TEX2: variants seen among roughly 807,000 people sequenced by gnomAD.
TEX2 encodes testis-expressed protein 2.
Under a neutral mutation model 106.9 loss-of-function variants are expected in TEX2, and 53 were observed. The ratio of observed to expected loss-of-function variants is 0.50; its 90% confidence interval spans 0.40 to 0.62. The LOEUF (loss-of-function observed/expected upper bound fraction) is 0.62, where lower values mean the gene tolerates loss of function less well. TEX2 is among the 20% of genes least tolerant of loss of function. TEX2 has a pLI of 0.00. For missense variants in TEX2, 1,207 were observed against 1,379.0 expected, an observed-to-expected ratio of 0.88 and a Z score of 1.98; for synonymous variants, 523 against 534.8, an observed-to-expected ratio of 0.98 and a Z score of 0.30.
intron 7 of TEX2, among the ~76,000 whole-genome samples, chr17:64,166,614 T>G (rs1252943747): frequency 1.3e-5 from 2 of 152,244 alleles, no homozygotes; most frequent in South Asian, 4.1e-4. Context: ...CTATGTTTTC[T>G]AAATTTTTAG....
intron 8 of TEX2, chr17:64,155,281 A>C (rs2030565911): frequency 4.1e-6 from 1 of 242,954 alleles, no homozygotes. Context: ...GCGCACATAA[A>C]ATGCAGTGAT....
intron 2 of TEX2, among the ~76,000 whole-genome samples, chr17:64,196,425 A>G (rs1227671606): frequency 4.0e-5 from 6 of 151,614 alleles, no homozygotes; most frequent in African/African-American, 1.5e-4. Flanking sequence ...TGTGAAACTT[A>G]TGAGCCAATT....
intron 1 of TEX2, among the ~76,000 whole-genome samples, chr17:64,220,659 C>G (rs1240115185): frequency 6.6e-6 from 1 of 152,164 alleles, no homozygotes; most frequent in Non-Finnish European, 1.5e-5. Flanking sequence ...GAGATACCAT[C>G]TCACACCAGT....
In TEX2 at chr17:64,213,687, G is replaced by A. The variant is rs139358972; in HGVS notation, c.531C>T (p.Ala177=). Residue 177 remains alanine, a synonymous_variant, in exon 2 of 12, where the codon GCC becomes GCT. Coordinates refer to ENST00000584379, the MANE Select transcript of TEX2 (RefSeq NM_001288732.2). The surrounding 1 kb of genome is among the most constrained non-coding windows in gnomAD (Gnocchi z 4.4). Reference sequence around the variant, plus strand: ...TTGCACTGGAAAGGGTGGAGGTTGAGGCACTGGATGAGAGGATGGGAGACT... The same window carrying A: ...TTGCACTGGAAAGGGTGGAGGTTGAAGCACTGGATGAGAGGATGGGAGACT... The part of the protein sequence containing the change: ...PSKSPILSSS[A]STSTLSSAKP... 4,335 of 1,614,150 alleles carry A rather than the reference G, an allele frequency of 2.7e-3. 13 individuals carry two copies. Among genetic ancestry groups the A allele is most frequent in the Non-Finnish European group, 3.2e-3 (3,743 of 1,180,026 alleles).
Position 64,185,628 on chromosome 17 carries a change from A to G in TEX2, c.2424+2540T>C, listed in dbSNP as rs1193483598. On this transcript the variant is annotated intron_variant, in intron 5 of 11. Transcript: ENST00000584379. The surrounding 1 kb of genome is among the most constrained non-coding windows in gnomAD (Gnocchi z 4.0). ...AGACTCCAACTAAAAAAAGAAAAAAAAAATTTCATCAGAGGCCAGGCACAG... is the reference window on the plus strand; with the variant it reads ...AGACTCCAACTAAAAAAAGAAAAAAGAAATTTCATCAGAGGCCAGGCACAG... 2.0e-5 allele frequency among the ~76,000 whole-genome samples: 3 copies of G among 152,162 alleles called. No homozygotes were observed. Among genetic ancestry groups the G allele is most frequent in the African/African-American group, 4.8e-5 (2 of 41,434 alleles).
intron 11 of TEX2, chr17:64,149,438 A>G (rs2030229368): frequency 5.6e-6 from 1 of 179,800 alleles, no homozygotes; most frequent in Non-Finnish European, 1.2e-5. Flanking sequence ...TGTCTAGAAC[A>G]CATATTCCAT....
rs1236198825 is a variant in TEX2, at chr17:64,205,288, G to A, written c.1644+7286C>T. Among the ~76,000 whole-genome samples, 1 of 152,186 alleles carries A rather than the reference G, an allele frequency of 6.6e-6. No individual in the cohort carries two copies. Among genetic ancestry groups the A allele is most frequent in the African/African-American group, 2.4e-5 (1 of 41,428 alleles). On this transcript the variant is annotated intron_variant, in intron 2 of 11. Coordinates refer to ENST00000584379, the MANE Select transcript of TEX2 (RefSeq NM_001288732.2). The surrounding 1 kb of genome is among the most constrained non-coding windows in gnomAD (Gnocchi z 4.0). ...GCCAAGATTGTGCCACTGCACTCTA[G>A]CCTGAGCGACAGAGCGAGGCAAAAC...
chr17:64,243,931 C>T (rs2033939509), intron 1 of TEX2, among the ~76,000 whole-genome samples: 1 of 151,768 alleles, frequency 6.6e-6, no homozygotes, highest in South Asian at 2.1e-4. Context: ...GCCTCAGCCT[C>T]CCAAGTAGCT....
At position 64,177,357 on chromosome 17, in the gene TEX2, T is replaced by TA; in HGVS notation, c.2538dup (p.Lys847Ter). The TA allele has an allele frequency of 1.2e-6, 2 of 1,614,200 alleles. No homozygotes were observed. The highest frequency in any genetic ancestry group is 2.2e-5 in the South Asian group (2 of 91,080). On this transcript the variant is annotated frameshift_variant, in exon 6 of 12. Transcript: ENST00000584379. LOFTEE classifies it high-confidence loss of function. The stretch of plus-strand genomic sequence containing the variant: ...TTGCTGAGTTTCATTTGGATCTTCT[T>TA]AGACACCAGATCAGACCAGTATTTC...
Position 64,149,819 on chromosome 17 carries a change from G to C in TEX2, c.3262-728C>G, listed in dbSNP as rs374008929. The stretch of plus-strand genomic sequence containing the variant: ...TGTAGTCCCAGCTACTCGGGAGGCT[G>C]AGGCATGAGAATGGTGTGAACCTGG... On this transcript the variant is annotated intron_variant, in intron 11 of 11. Coordinates refer to ENST00000584379, the MANE Select transcript of TEX2 (RefSeq NM_001288732.2). 2.0e-5 allele frequency: 3 copies of C among 151,822 alleles called. No homozygotes were observed. The East Asian group carries it at 5.8e-4, about 29-fold the overall frequency. The allele number at this position is 151,822 out of a possible 1,614,324, so 9.4% of individuals were successfully genotyped here. A position where few individuals can be genotyped will look rare whatever the true frequency, so the allele number is the denominator to read the frequency against.
Position 64,177,324 on chromosome 17 carries a change from C to T in TEX2, c.2571+1G>A. 6.2e-7 allele frequency: 1 copy of T among 1,614,034 alleles called. No individual in the cohort carries two copies. Among genetic ancestry groups the T allele is most frequent in the Non-Finnish European group, 8.5e-7 (1 of 1,179,988 alleles). The stretch of plus-strand genomic sequence containing the variant: ...GAAGCCTCTTGTGTGGAAAGTGATA[C>T]CTTTATTTTGCTGAGTTTCATTTGG... On this transcript the variant is annotated splice_donor_variant, in intron 6 of 11. Coordinates refer to ENST00000584379, the MANE Select transcript of TEX2 (RefSeq NM_001288732.2). LOFTEE classifies it high-confidence loss of function.
At chr17:64,241,330 C>T (rs782255646) in intron 1 of TEX2, among the ~76,000 whole-genome samples, 8 of 152,212 alleles carry the variant, frequency 5.3e-5, no homozygotes, top group Non-Finnish European at 1.2e-4. Flanking sequence ...TTCATCTCTC[C>T]TCCAGTTCTT....
intron 1 of TEX2, among the ~76,000 whole-genome samples, chr17:64,248,866 C>G (rs1009793618): frequency 7.9e-5 from 12 of 152,102 alleles, no homozygotes; most frequent in Non-Finnish European, 1.8e-4. Flanking sequence ...GAAACCCCAT[C>G]TCTACTAAAA....
chr17:64,240,139 T>C (rs2033858627), intron 1 of TEX2, among the ~76,000 whole-genome samples: 1 of 152,082 alleles, frequency 6.6e-6, no homozygotes, highest in Non-Finnish European at 1.5e-5. Flanking sequence ...TTTAAAAATG[T>C]AAATGAATGC....
At position 64,153,280 on chromosome 17, in the gene TEX2, T is replaced by C. The variant is rs1228250203; in HGVS notation, c.2931-126A>G. The C allele has an allele frequency of 2.9e-5, 20 of 698,226 alleles. No homozygotes were observed. The highest frequency in any genetic ancestry group is 3.2e-5 in the Non-Finnish European group (13 of 410,178). 43.3% of individuals were successfully genotyped at this position (698,226 alleles called of 1,614,324 possible). ...ATGTTTTGGATGTGGTGATTCTGTG[T>C]TGGGGCGGGGGGCATCCTGTGCATT... On this transcript the variant is annotated intron_variant, in intron 9 of 11. Coordinates refer to ENST00000584379, the MANE Select transcript of TEX2 (RefSeq NM_001288732.2). This position sits in a 1 kb window ranked among gnomAD's most constrained non-coding sequence, Gnocchi z 4.1.
At chr17:64,201,540 G>A (rs376059832) in intron 2 of TEX2, among the ~76,000 whole-genome samples, 11 of 152,162 alleles carry the variant, frequency 7.2e-5, no homozygotes, top group African/African-American at 2.7e-4. Flanking sequence ...AGTGGTGAGA[G>A]AGGGGATGTG....
chr17:64,243,057 T>C (rs1555635919), intron 1 of TEX2, among the ~76,000 whole-genome samples: 1 of 151,712 alleles, frequency 6.6e-6, no homozygotes, highest in East Asian at 1.9e-4. Context: ...GCCTCCCGAG[T>C]AGCTGGGACT....
At chr17:64,245,474 C>A (rs1190675235) in intron 1 of TEX2, among the ~76,000 whole-genome samples, 1 of 152,142 alleles carries the variant, frequency 6.6e-6, no homozygotes, top group Non-Finnish European at 1.5e-5. Flanking sequence ...AATTCCTTAA[C>A]CATTTGTCAT....
chr17:64,211,867 C>T (rs138549568), intron 2 of TEX2, among the ~76,000 whole-genome samples: 111 of 152,306 alleles, frequency 7.3e-4, no homozygotes, highest in African/African-American at 2.5e-3. Context: ...AAGTTCTAGG[C>T]TGGACACAGC....
Sources: gnomAD v4.1 joint callset for allele counts (sites outside exome capture counted in the v4.1 genomes callset) on GRCh38, gnomAD v4.1.1 for gene constraint, Gnocchi (gnomAD v3.1) non-coding constraint, MANE v1.5 for transcripts, NCBI Gene and HGNC (gene_info 2026-07-23, HGNC 2026-07-21) for gene names.